POP4: variants seen among roughly 807,000 people sequenced by gnomAD.
POP4 encodes the protein ribonuclease P protein subunit p29.
In POP4, 31 loss-of-function variants were observed where a neutral mutation model predicts 29.9. The observed-to-expected ratio is 1.04, with a 90% CI of 0.78 to 1.40. POP4 has a LOEUF of 1.40. Among genes scored for constraint, POP4 ranks in the 40% most tolerant of loss-of-function variants. The pLI is 0.00. For missense variants in POP4, 286 were observed against 282.7 expected, an observed-to-expected ratio of 1.01 and a Z score of -0.08; for synonymous variants, 110 against 108.2, an observed-to-expected ratio of 1.02 and a Z score of -0.10.
Position 29,616,121 on chromosome 19 carries a change from G to A in POP4, c.*741G>A, listed in dbSNP as rs1420340557. 2 of 152,234 alleles carry A rather than the reference G, an allele frequency of 1.3e-5. No individual in the cohort carries two copies. The highest frequency in any genetic ancestry group is 4.8e-5 in the African/African-American group (2 of 41,470). The allele number at this position is 152,234 out of a possible 1,614,324, so 9.4% of individuals were successfully genotyped here. On this transcript the variant is annotated 3_prime_UTR_variant, in exon 7 of 7. Coordinates refer to ENST00000585603, the MANE Select transcript of POP4 (RefSeq NM_006627.3). ...GCTGAGCCATGGAGGACTGAAAGGA[G>A]GTCGCCCGGCATCACCTCCCGAGGT... is the stretch of plus-strand genomic sequence containing the variant.
chr19:29,609,881 G>A (rs942791968), intron 2 of POP4, among the ~76,000 whole-genome samples: 9 of 152,086 alleles, frequency 5.9e-5, no homozygotes, highest in Admixed American at 3.9e-4. Context: ...CTGGAAACCC[G>A]GTTAAGGAGT....
At chr19:29,611,712 CAGCTCA>C in intron 3 of POP4, 144 bp from the exon 4 acceptor site, 4 of 656,638 alleles carry the variant, frequency 6.1e-6, no homozygotes, top group South Asian at 3.7e-5. Flanking sequence ...TCTCGGTTAT[CAGCTCA>C]ATTGCTCATC....
chr19:29,606,303 C>G lies in POP4; in HGVS notation c.-16C>G, dbSNP rs530205925. ...CTGCCAGTGCGTCATCAGAGAGCGC[C>G]GGAAGCGGTCCGAGAATGAAGAGTA... is the stretch of plus-strand genomic sequence containing the variant. On this transcript the variant is annotated 5_prime_UTR_variant, in exon 1 of 7. Transcript: ENST00000585603. 1.2e-6 allele frequency: 2 copies of G among 1,603,548 alleles called. No homozygotes were observed. Among genetic ancestry groups the G allele is most frequent in the South Asian group, 2.2e-5 (2 of 89,720 alleles).
chr19:29,611,832 A>G, intron 3 of POP4, 30 bp from the exon 4 acceptor site: 4 of 1,592,702 alleles, frequency 2.5e-6, no homozygotes, highest in Non-Finnish European at 3.4e-6. Flanking sequence ...ATGTTGTCTA[A>G]CTTTTTCCCT....
chr19:29,611,836 T>C, intron 3 of POP4, 26 bp from the exon 4 acceptor site: 1 of 1,600,980 alleles, frequency 6.2e-7, no homozygotes, highest in Non-Finnish European at 8.6e-7. Flanking sequence ...TGTCTAACTT[T>C]TTCCCTGTTT....
Position 29,610,602 on chromosome 19 carries a change from G to A in POP4, c.254G>A (p.Arg85Gln), listed in dbSNP as rs147388913. Reference sequence around the variant, plus strand: ...TCTGCCAGGCAAAGGAGGGAGCTGCGGCTCTTTGACATTAAACCAGAGCAG... The same window carrying A: ...TCTGCCAGGCAAAGGAGGGAGCTGCAGCTCTTTGACATTAAACCAGAGCAG... ...GLSARQRREL[R>Q]LFDIKPEQQR... The change falls in exon 3 of 7, where the codon CGG becomes CAG. Residue 85 changes from arginine to glutamine, a missense_variant. Physicochemically the swap from Arg to Gln is conservative, Grantham distance 43. Transcript: ENST00000585603. 150 of 1,613,954 alleles carry A rather than the reference G, an allele frequency of 9.3e-5. No individual in the cohort carries two copies. The highest frequency in any genetic ancestry group is 1.2e-4 in the Non-Finnish European group (142 of 1,180,056).
At chr19:29,610,101 C>T (rs1025958542) in intron 2 of POP4, 13 of 374,834 alleles carry the variant, frequency 3.5e-5, no homozygotes, top group Non-Finnish European at 4.9e-6. Context: ...GAGAATTCTT[C>T]TTCAAGATAG....
At chr19:29,608,777 C>A in intron 2 of POP4, 68 bp downstream of exon 2, 1 of 1,406,490 alleles carries the variant, frequency 7.1e-7, no homozygotes, top group Non-Finnish European at 1.0e-6. Flanking sequence ...AGCTTCTGAG[C>A]CCCCAGCACT....
At position 29,610,207 on chromosome 19, in the gene POP4, A is replaced by C. The variant is rs958842103; in HGVS notation, c.61-202A>C. The C allele has an allele frequency of 5.2e-6, 3 of 582,166 alleles. No individual in the cohort carries two copies. In the African/African-American group the frequency reaches 5.6e-5, roughly 11 times the overall value. The allele number at this position is 582,166 out of a possible 1,614,324, so 36.1% of individuals were successfully genotyped here. A position where few individuals can be genotyped will look rare whatever the true frequency, so the allele number is the denominator to read the frequency against. ...TGTTGTGTGTGACAAACGGTCATGA[A>C]TTGGTGTGTGAGTGTGACTTACATC... On this transcript the variant is annotated intron_variant, in intron 2 of 6. Transcript: ENST00000585603.
intron 6 of POP4, 21 bp from the exon 7 acceptor site, chr19:29,615,223 C>CT (rs72228837): frequency 0.043 from 56,130 of 1,304,860 alleles, 4 homozygotes; most frequent in Non-Finnish European, 0.046. Flanking sequence ...TTTCTCCTGC[C>CT]TTTTTTTTTT....
intron 1 of POP4, among the ~76,000 whole-genome samples, chr19:29,608,183 C>T (rs1971022380): frequency 6.6e-6 from 1 of 151,672 alleles, no homozygotes; most frequent in Non-Finnish European, 1.5e-5. Flanking sequence ...TAATACCAAC[C>T]TCATCTTCTC....
Position 29,613,907 on chromosome 19 carries a change from C to T in POP4, c.461C>T (p.Thr154Ile). ...AAATGCCCCTCTTATGTGGGTATTACAGGAATCCTTCTACAGGAAACAAAG... is the reference window on the plus strand; with the variant it reads ...AAATGCCCCTCTTATGTGGGTATTATAGGAATCCTTCTACAGGAAACAAAG... ...KSKCPSYVGI[T>I]GILLQETKHI... Residue 154 changes from threonine to isoleucine, a missense_variant, in exon 6 of 7, where the codon ACA becomes ATA. Physicochemically the swap from Thr to Ile is moderately conservative, Grantham distance 89 (BLOSUM62 -1). Coordinates refer to ENST00000585603, the MANE Select transcript of POP4 (RefSeq NM_006627.3). 1 of 1,613,880 alleles carries T rather than the reference C, an allele frequency of 6.2e-7. No homozygotes were observed. Among genetic ancestry groups the T allele is most frequent in the Non-Finnish European group, 8.5e-7 (1 of 1,179,940 alleles).
In POP4 at chr19:29,615,330, A is replaced by C; in HGVS notation, c.613A>C (p.Ser205Arg). The C allele has an allele frequency of 6.2e-7, 1 of 1,613,612 alleles. No homozygotes were observed. The highest frequency in any genetic ancestry group is 1.6e-4 in the Middle Eastern group (1 of 6,062). The stretch of plus-strand genomic sequence containing the variant: ...CGGGAGCAAATTCCAGCTTCGGTCA[A>C]GTGAACGGTCTGCGAAGAAGTTCAA... The part of the protein sequence containing the change: ...IYGSKFQLRS[S>R]ERSAKKFKAK... Residue 205 changes from serine to arginine, a missense_variant, in exon 7 of 7, where the codon AGT becomes CGT. Coordinates refer to ENST00000585603, the MANE Select transcript of POP4 (RefSeq NM_006627.3).
chr19:29,611,802 G>T, intron 3 of POP4, 60 bp from the exon 4 acceptor site: 2 of 1,407,162 alleles, frequency 1.4e-6, no homozygotes, highest in Non-Finnish European at 2.0e-6. Flanking sequence ...GTGCTATTTG[G>T]ACATTGTCAT....
intron 2 of POP4, among the ~76,000 whole-genome samples, chr19:29,609,875 A>C (rs1430509699): frequency 6.6e-6 from 1 of 152,064 alleles, no homozygotes; most frequent in African/African-American, 2.4e-5. Flanking sequence ...ACAGAGCTGG[A>C]AACCCGGTTA....
At position 29,617,048 on chromosome 19, in the gene POP4, T is replaced by C. The variant is rs1340642063; in HGVS notation, c.*1668T>C. 6.6e-6 allele frequency: 1 copy of C among 152,250 alleles called. No individual in the cohort carries two copies. The highest frequency in any genetic ancestry group is 1.5e-5 in the Non-Finnish European group (1 of 68,042). 9.4% of individuals were successfully genotyped at this position (152,250 alleles called of 1,614,324 possible). ...CAAAGTGCAGGATGTGCTGCCTTTA[T>C]TACCTGCTTTCCCGCTGAGCAAATC... On this transcript the variant is annotated 3_prime_UTR_variant, in exon 7 of 7. Coordinates refer to ENST00000585603, the MANE Select transcript of POP4 (RefSeq NM_006627.3).
At chr19:29,608,909 A>G in intron 2 of POP4, 200 bp downstream of exon 2, 1 of 543,802 alleles carries the variant, frequency 1.8e-6, no homozygotes, top group Non-Finnish European at 3.3e-6. Context: ...TGTTGTGCCA[A>G]AGTCAAGTTT....
At position 29,615,537 on chromosome 19, in the gene POP4, G is replaced by A. The variant is rs898832170; in HGVS notation, c.*157G>A. Reference sequence around the variant, plus strand: ...TGAGGATGTTGAACAACATGGGAAGGTCGCAGCGTACTAAGTGAAGAAGTC... The same window carrying A: ...TGAGGATGTTGAACAACATGGGAAGATCGCAGCGTACTAAGTGAAGAAGTC... On this transcript the variant is annotated 3_prime_UTR_variant, in exon 7 of 7. Transcript: ENST00000585603. The A allele has an allele frequency of 1.4e-6, 1 of 725,888 alleles. No homozygotes were observed. The highest frequency in any genetic ancestry group is 2.2e-6 in the Non-Finnish European group (1 of 464,270). 45.0% of individuals were successfully genotyped at this position (725,888 alleles called of 1,614,324 possible). A position where few individuals can be genotyped will look rare whatever the true frequency, so the allele number is the denominator to read the frequency against.
intron 1 of POP4, among the ~76,000 whole-genome samples, chr19:29,607,882 A>T (rs897906260): frequency 6.6e-6 from 1 of 152,234 alleles, no homozygotes; most frequent in Non-Finnish European, 1.5e-5. Flanking sequence ...CAGCTATATC[A>T]TATAACTTTT....
Sources: allele counts gnomAD v4.1 joint callset (sites outside exome capture counted in the v4.1 genomes callset), GRCh38; gene constraint gnomAD v4.1.1; transcripts MANE v1.5; gene names NCBI Gene and HGNC (gene_info 2026-07-23, HGNC 2026-07-21).